DSCC1: variants seen among roughly 807,000 people sequenced by gnomAD.
DSCC1 encodes the protein DNA replication and sister chromatid cohesion 1.
DSCC1 carries 32 observed loss-of-function variants against 48.2 expected under a neutral mutation model. That is an observed-to-expected ratio of 0.66 (90% CI 0.50 to 0.89). DSCC1 has a LOEUF of 0.89. DSCC1 is among the 40% of genes least tolerant of loss of function. The pLI is 0.00. For missense variants in DSCC1, 421 were observed against 471.7 expected (o/e 0.89, Z 1.00); for synonymous variants, 150 against 171.5 (o/e 0.87, Z 0.98).
chr8:119,846,524 G>A (rs74759746), intron 4 of DSCC1, among the ~76,000 whole-genome samples: 7,344 of 152,286 alleles, frequency 0.048, 269 homozygotes, highest in Middle Eastern at 0.082. Context: ...ATGTAAAGAT[G>A]AAATCTCTAT....
At chr8:119,842,483 G>A in intron 6 of DSCC1, among the ~76,000 whole-genome samples, 1 of 151,750 alleles carries the variant, frequency 6.6e-6, no homozygotes, top group Non-Finnish European at 1.5e-5. Flanking sequence ...CCCGGGCTCA[G>A]GTGATCCTCC....
At chr8:119,837,359 G>A (rs1228726085) in intron 8 of DSCC1, among the ~76,000 whole-genome samples, 1 of 152,190 alleles carries the variant, frequency 6.6e-6, no homozygotes, top group Non-Finnish European at 1.5e-5. Flanking sequence ...AAGGAAGTAG[G>A]TGTACACATG....
chr8:119,850,300 T>G, intron 3 of DSCC1, 82 bp downstream of exon 3: 1 of 1,394,804 alleles, frequency 7.2e-7, no homozygotes, highest in African/African-American at 1.5e-5. Flanking sequence ...TAACATAAAT[T>G]TTAAAAAGTA....
intron 4 of DSCC1, among the ~76,000 whole-genome samples, chr8:119,844,914 CATT>C (rs1346391557): frequency 3.9e-4 from 59 of 152,032 alleles, no homozygotes; most frequent in Non-Finnish European, 7.8e-4. Context: ...CTTGCAGAGG[CATT>C]TCTATACTCA....
At chr8:119,842,634 C>A (rs2131298926) in intron 6 of DSCC1, 142 bp downstream of exon 6, 1 of 675,150 alleles carries the variant, frequency 1.5e-6, no homozygotes, top group East Asian at 3.1e-5. Context: ...GACCCACCCA[C>A]TGCAGCCTTC....
rs772784823 is a variant in DSCC1 at position 119,853,219 on chromosome 8, T to C, written c.183-4A>G. The C allele has an allele frequency of 3.1e-6, 5 of 1,598,130 alleles. No individual in the cohort carries two copies. The highest frequency in any genetic ancestry group is 1.1e-5 in the South Asian group (1 of 89,142). On this transcript the variant is annotated splice_polypyrimidine_tract_variant and splice_region_variant and intron_variant, in intron 1 of 8. Transcript: ENST00000313655. Reference sequence around the variant, plus strand: ...TTTATCACCACGAATCACAAGACTGTAGCAAAATGGGGGAAAAATATATAG... The same window carrying C: ...TTTATCACCACGAATCACAAGACTGCAGCAAAATGGGGGAAAAATATATAG...
At position 119,855,850 on chromosome 8, in the gene DSCC1, G is replaced by A; in HGVS notation, c.-55C>T. On this transcript the variant is annotated 5_prime_UTR_variant, in exon 1 of 9. Coordinates refer to ENST00000313655, the MANE Select transcript of DSCC1 (RefSeq NM_024094.3). ...GCCCGGGTGGCTGCGGGCTTGGCGGGCAAGAAAGAAGTTCCCAAGCAGCCG... is the reference window on the plus strand; with the variant it reads ...GCCCGGGTGGCTGCGGGCTTGGCGGACAAGAAAGAAGTTCCCAAGCAGCCG... 3 of 1,409,074 alleles carry A rather than the reference G, an allele frequency of 2.1e-6. No homozygotes were observed. Among genetic ancestry groups the A allele is most frequent in the Non-Finnish European group, 1.9e-6 (2 of 1,081,072 alleles). The allele number at this position is 1,409,074 out of a possible 1,614,324, so 87.3% of individuals were successfully genotyped here. A position where few individuals can be genotyped will look rare whatever the true frequency, so the allele number is the denominator to read the frequency against.
At chr8:119,839,861 A>G (rs896752976) in intron 7 of DSCC1, 1 of 152,184 alleles carries the variant, frequency 6.6e-6, no homozygotes, top group Non-Finnish European at 1.5e-5. Context: ...TCATCTTTCC[A>G]TACTCAGCAG....
At chr8:119,836,318 A>C (rs892767554) in intron 8 of DSCC1, among the ~76,000 whole-genome samples, 2 of 152,218 alleles carry the variant, frequency 1.3e-5, no homozygotes, top group Non-Finnish European at 2.9e-5. Context: ...GTCTCAAATA[A>C]ATAAAGGAGC....
chr8:119,852,277 G>T (rs751544857), intron 2 of DSCC1, among the ~76,000 whole-genome samples: 9 of 152,286 alleles, frequency 5.9e-5, no homozygotes, highest in Non-Finnish European at 1.2e-4. Context: ...TTAAAAGTTT[G>T]TTATACTTGG....
chr8:119,854,552 T>C (rs1206729059), intron 1 of DSCC1, among the ~76,000 whole-genome samples: 1 of 152,200 alleles, frequency 6.6e-6, no homozygotes, highest in African/African-American at 2.4e-5. Flanking sequence ...TTTCTCTAAC[T>C]GCACTACCCC....
Position 119,838,395 on chromosome 8 carries a change from C to G in DSCC1, c.937G>C (p.Val313Leu). ...ATTTCTGGTCTCGAGTGTCTATCCACCAGCGCTAAACCCTACAAGAAATGA... is the reference window on the plus strand; with the variant it reads ...ATTTCTGGTCTCGAGTGTCTATCCAGCAGCGCTAAACCCTACAAGAAATGA... ...SLDQLKGLAL[V>L]DRHSRPEIIF... Residue 313 changes from valine (V) to leucine (L), a missense_variant, in exon 8 of 9, where the codon GTG (valine) becomes CTG (leucine). Val to Leu is a conservative substitution (Grantham distance 32). Around this residue, in one of 3 missense-constraint regions of DSCC1, gnomAD observed 238 missense variants for 259.0 expected, o/e 0.92. Coordinates refer to ENST00000313655, the MANE Select transcript of DSCC1 (RefSeq NM_024094.3). 6.2e-7 allele frequency: 1 copy of G among 1,602,828 alleles called. No individual in the cohort carries two copies. The highest frequency in any genetic ancestry group is 8.5e-7 in the Non-Finnish European group (1 of 1,175,952).
At chr8:119,843,120 T>TTTA (rs1491526383) in intron 5 of DSCC1, among the ~76,000 whole-genome samples, 9 of 79,392 alleles carry the variant, frequency 1.1e-4, no homozygotes, top group African/African-American at 6.8e-4. Flanking sequence ...TTTTATTTTA[T>TTTA]TTTTTTTTTT....
intron 3 of DSCC1, among the ~76,000 whole-genome samples, chr8:119,848,917 G>A (rs991385187): frequency 2.0e-5 from 3 of 151,914 alleles, no homozygotes; most frequent in Non-Finnish European, 2.9e-5. Context: ...GGGCGCGGTG[G>A]CTCAAGCCTG....
intron 3 of DSCC1, among the ~76,000 whole-genome samples, chr8:119,848,388 C>T (rs1826892602): frequency 6.6e-6 from 1 of 152,150 alleles, no homozygotes; most frequent in Non-Finnish European, 1.5e-5. Context: ...GGACTTGTAT[C>T]TGGACTATCT....
rs778656260 is a variant in DSCC1, at chr8:119,843,617, C to T, written c.708G>A (p.Leu236=). ...LNTCLQELGP[L]EPEEMIEHCL... is the part of the protein sequence containing the mutation. ...GAAATTAAAATACTTACTCTGGCTC[C>T]AATGGTCCGAGTTCCTGAAGGCATG... The change falls in exon 5 of 9, where the codon TTG becomes TTA. Residue 236 remains leucine, a synonymous_variant. Coordinates refer to ENST00000313655, the MANE Select transcript of DSCC1 (RefSeq NM_024094.3). The T allele has an allele frequency of 5.6e-6, 9 of 1,608,866 alleles. No individual in the cohort carries two copies. In the East Asian group the frequency reaches 1.6e-4, roughly 28 times the overall value.
chr8:119,837,776 AGAG>A (rs1826707807), intron 8 of DSCC1, among the ~76,000 whole-genome samples: 1 of 152,186 alleles, frequency 6.6e-6, no homozygotes, highest in South Asian at 2.1e-4. Context: ...AGCTGGGTAA[AGAG>A]AAGAAAGAGC....
In DSCC1 at chr8:119,841,968, TA is replaced by T. The variant is rs778853895; in HGVS notation, c.770-21del. 1.2e-6 allele frequency: 2 copies of T among 1,608,552 alleles called. No homozygotes were observed. The highest frequency in any genetic ancestry group is 1.7e-6 in the Non-Finnish European group (2 of 1,176,114). ...CTTCGCCTAAGGAAAAGTTATCAGA[TA>T]TTTTCATATTATCATCTTACAATTA... On this transcript the variant is annotated intron_variant, in intron 6 of 8. Coordinates refer to ENST00000313655, the MANE Select transcript of DSCC1 (RefSeq NM_024094.3).
At position 119,834,092 on chromosome 8, in the gene DSCC1, A is replaced by G. The variant is rs1346473480; in HGVS notation, c.*801T>C. On this transcript the variant is annotated 3_prime_UTR_variant, in exon 9 of 9. Transcript: ENST00000313655. ...GTTAAACCTTCTTTAATTATGGATT[A>G]GCCATTAACATTTTTGAAACGTGGA... is the stretch of plus-strand genomic sequence containing the variant. 1 of 152,240 alleles carries G rather than the reference A, an allele frequency of 6.6e-6. No individual in the cohort carries two copies. Among genetic ancestry groups the G allele is most frequent in the Non-Finnish European group, 1.5e-5 (1 of 68,042 alleles). 9.4% of individuals were successfully genotyped at this position (152,240 alleles called of 1,614,324 possible). A position where few individuals can be genotyped will look rare whatever the true frequency, so the allele number is the denominator to read the frequency against.
Sources: allele counts gnomAD v4.1 joint callset (sites outside exome capture counted in the v4.1 genomes callset), GRCh38; gene constraint gnomAD v4.1.1; regional missense constraint gnomAD v4.1.1; transcripts MANE v1.5; gene names NCBI Gene and HGNC (gene_info 2026-07-23, HGNC 2026-07-21).